UBE3D: variants seen among roughly 807,000 people sequenced by gnomAD.
UBE3D encodes the protein ubiquitin protein ligase E3D.
A neutral mutation model predicts 49.6 loss-of-function variants in UBE3D; 48 were observed. The ratio of observed to expected loss-of-function variants is 0.97; its 90% CI spans 0.77 to 1.23. UBE3D has a LOEUF of 1.23. Among genes scored for constraint, UBE3D ranks in the 50% most tolerant of loss-of-function variants. The probability of loss-of-function intolerance (pLI) is 0.00; values close to 1 mark genes in which losing one functional copy is unlikely to be tolerated. For missense variants in UBE3D, 452 were observed against 468.4 expected, an observed-to-expected ratio of 0.96 and a Z score of 0.32; for synonymous variants, 189 against 174.2, an observed-to-expected ratio of 1.08 and a Z score of -0.67.
intron 9 of UBE3D, among the ~76,000 whole-genome samples, chr6:82,937,552 A>G (rs1283149104): frequency 6.6e-6 from 1 of 152,222 alleles, no homozygotes; most frequent in African/African-American, 2.4e-5. Context: ...TCCTCTCAGT[A>G]GCAGCTCCAG....
chr6:83,023,923 G>GA (rs143069901), intron 6 of UBE3D, 46 bp downstream of exon 6: 2 of 1,310,594 alleles, frequency 1.5e-6, no homozygotes, highest in Non-Finnish European at 2.1e-6. Context: ...TCTGAATGGG[G>GA]AAAAAAATAA....
chr6:83,050,548 C>T (rs1025279377), intron 3 of UBE3D, among the ~76,000 whole-genome samples: 3 of 152,172 alleles, frequency 2.0e-5, no homozygotes, highest in African/African-American at 7.2e-5. Context: ...AAGGTACCTT[C>T]CTGGGAAATA....
At chr6:82,980,418 T>C (rs1778034411) in intron 8 of UBE3D, among the ~76,000 whole-genome samples, 1 of 152,124 alleles carries the variant, frequency 6.6e-6, no homozygotes, top group Non-Finnish European at 1.5e-5. Context: ...TGCCCACTTT[T>C]TAATGGAGTT....
chr6:82,986,610 A>G (rs1361833780), intron 8 of UBE3D, among the ~76,000 whole-genome samples: 1 of 148,620 alleles, frequency 6.7e-6, no homozygotes, highest in East Asian at 2.0e-4. Context: ...GGGGTCTTCC[A>G]TATGTTCTAG....
At chr6:82,993,762 A>C (rs1202067357) in intron 8 of UBE3D, among the ~76,000 whole-genome samples, 3 of 152,174 alleles carry the variant, frequency 2.0e-5, no homozygotes, top group African/African-American at 7.2e-5. Context: ...ACTTTGGTCC[A>C]ATTAATAACA....
chr6:83,049,789 T>C (rs929782364), intron 3 of UBE3D: 4 of 470,936 alleles, frequency 8.5e-6, no homozygotes, highest in African/African-American at 4.0e-5. Flanking sequence ...ATCGAAAGGC[T>C]TGAGTTTGAA....
intron 4 of UBE3D, among the ~76,000 whole-genome samples, chr6:83,040,064 T>C (rs899115599): frequency 1.3e-5 from 2 of 152,094 alleles, no homozygotes; most frequent in African/African-American, 4.8e-5. Flanking sequence ...CATGAGTGTA[T>C]GTGTGTTATC....
In UBE3D at chr6:83,027,509, T is replaced by C. The variant is rs113624172; in HGVS notation, c.668-3471A>G. On this transcript the variant is annotated intron_variant, in intron 5 of 9. Transcript: ENST00000369747. ...CCTAGATTAACCTAGTTTGTGTTTG[T>C]CAGAAAACATATTTATCTTAGCCTT... 9.5e-3 allele frequency among the ~76,000 whole-genome samples: 1,409 copies of C among 148,680 alleles called. 20 individuals carry two copies. The highest frequency in any genetic ancestry group is 0.033 in the African/African-American group (1,333 of 40,602).
downstream of UBE3D, among the ~76,000 whole-genome samples, chr6:82,889,067 AT>A (rs1481079835): frequency 6.6e-6 from 1 of 152,226 alleles, no homozygotes; most frequent in Non-Finnish European, 1.5e-5. Context: ...GGTCTTGTGT[AT>A]TTAAGATTTA....
intron 8 of UBE3D, among the ~76,000 whole-genome samples, chr6:82,964,128 TA>T (rs1776742459): frequency 6.7e-6 from 1 of 150,204 alleles, no homozygotes; most frequent in African/African-American, 2.4e-5. Context: ...TCCTTATTTC[TA>T]AACTTTTGCC....
At chr6:83,023,907 T>G (rs1781273011) in intron 6 of UBE3D, 62 bp downstream of exon 6, 7 of 1,120,066 alleles carry the variant, frequency 6.2e-6, no homozygotes, top group Non-Finnish European at 7.6e-6. Flanking sequence ...AAATAAAAAA[T>G]AAAGGTCTGA....
chr6:82,886,131 T>C, the UBE3D span, among the ~76,000 whole-genome samples: 1 of 152,202 alleles, frequency 6.6e-6, no homozygotes, highest in Non-Finnish European at 1.5e-5. Context: ...ACACTTTATG[T>C]CTGTGTAAGG....
intron 8 of UBE3D, among the ~76,000 whole-genome samples, chr6:83,001,242 G>C (rs760835760): frequency 1.6e-4 from 24 of 152,178 alleles, no homozygotes; most frequent in Admixed American, 1.3e-4. Flanking sequence ...GCACTGATCA[G>C]TTTGCAGTTT....
At chr6:82,939,293 T>C (rs751500429) in intron 9 of UBE3D, among the ~76,000 whole-genome samples, 1 of 152,190 alleles carries the variant, frequency 6.6e-6, no homozygotes, top group Non-Finnish European at 1.5e-5. Context: ...TAGGTAGCCA[T>C]TGGTTCAATT....
intron 8 of UBE3D, among the ~76,000 whole-genome samples, chr6:83,013,559 TG>T (rs1780493550): frequency 6.6e-6 from 1 of 152,174 alleles, no homozygotes; most frequent in Admixed American, 6.5e-5. Context: ...ACTCAATAAA[TG>T]GGCCAGAGTA....
At chr6:83,022,360 A>T (rs772464851) in intron 7 of UBE3D, 93 bp downstream of exon 7, 1 of 827,354 alleles carries the variant, frequency 1.2e-6, no homozygotes, top group Non-Finnish European at 1.8e-6. Context: ...TATTTTCCAC[A>T]CCTGAGAATT....
rs370675361 is a variant in UBE3D at position 82,967,965 on chromosome 6, G to A, written c.1011-10515C>T. ...AGCTTTCATTCCTTTTTATAACTGA[G>A]TAAATTTCCATGGAATATAATCACA... is the stretch of plus-strand genomic sequence containing the variant. On this transcript the variant is annotated intron_variant, in intron 8 of 9. Coordinates refer to ENST00000369747, the MANE Select transcript of UBE3D (RefSeq NM_198920.3). Among the ~76,000 whole-genome samples the A allele has an allele frequency of 2.0e-3, 310 of 152,132 alleles. 2 individuals are homozygous for A. Among genetic ancestry groups the A allele is most frequent in the African/African-American group, 7.1e-3 (295 of 41,508 alleles).
At chr6:82,893,064 A>T in intron 9 of UBE3D, 22 bp from the exon 10 acceptor site, 1 of 1,613,122 alleles carries the variant, frequency 6.2e-7, no homozygotes, top group Non-Finnish European at 8.5e-7. Flanking sequence ...AGAAAAACCC[A>T]CAATGCTTTA....
chr6:82,889,697 T>G (rs773071986), downstream of UBE3D, among the ~76,000 whole-genome samples: 20 of 152,142 alleles, frequency 1.3e-4, no homozygotes, highest in Non-Finnish European at 2.6e-4. Flanking sequence ...TATAGTAATT[T>G]TATGATAAAA....
Sources: allele counts gnomAD v4.1 joint callset (sites outside exome capture counted in the v4.1 genomes callset), GRCh38; gene constraint gnomAD v4.1.1; transcripts MANE v1.5; gene names NCBI Gene and HGNC (gene_info 2026-07-23, HGNC 2026-07-21).